USH2A: variants seen among roughly 807,000 people sequenced by gnomAD.
USH2A encodes Usher syndrome 2A (autosomal recessive, mild).
A neutral mutation model predicts 538.9 loss-of-function variants in USH2A; 443 were observed. The ratio of observed to expected loss-of-function variants is 0.82; its 90% confidence interval spans 0.76 to 0.89. The LOEUF (loss-of-function observed/expected upper bound fraction) is 0.89. Ranked by LOEUF, USH2A falls within the 40% of genes least tolerant of loss-of-function variation. The pLI, the probability that USH2A is intolerant of heterozygous loss-of-function variation, is 0.00. For missense variants in USH2A, 6,633 were observed against 6,324.8 expected (o/e 1.05, Z -1.65); for synonymous variants, 2,413 against 2,273.5 (o/e 1.06, Z -1.75).
intron 61 of USH2A, among the ~76,000 whole-genome samples, chr1:215,710,581 G>C (rs1253907694): frequency 6.6e-6 from 1 of 152,068 alleles, no homozygotes; most frequent in Non-Finnish European, 1.5e-5. Context: ...AAAGGAAAGG[G>C]TCCTACGGCT....
intron 46 of USH2A, among the ~76,000 whole-genome samples, chr1:215,842,054 T>C (rs1663692179): frequency 6.6e-6 from 1 of 152,204 alleles, no homozygotes; most frequent in Non-Finnish European, 1.5e-5. Flanking sequence ...CTGGGTGCAG[T>C]GGCTCACACC....
Position 216,422,237 on chromosome 1 carries a change from G to C in USH2A, c.100C>G (p.Arg34Gly). ...YFASISLTES[R>G]GLFPRLENVG... ...TTCTCCAGCCTTGGGAAAAGACCTCGTGACTCAGTCAAGGATATTGAAGCA... is the reference window on the plus strand; with the variant it reads ...TTCTCCAGCCTTGGGAAAAGACCTCCTGACTCAGTCAAGGATATTGAAGCA... Residue 34 changes from arginine (R) to glycine (G), a missense_variant, in exon 2 of 72, where the codon CGA becomes GGA. Physicochemically the swap from Arg to Gly is moderately radical, Grantham distance 125. Transcript: ENST00000307340. 6.2e-7 allele frequency: 1 copy of C among 1,613,080 alleles called. No individual in the cohort carries two copies. Among genetic ancestry groups the C allele is most frequent in the Non-Finnish European group, 8.5e-7 (1 of 1,179,446 alleles).
chr1:215,639,703 C>A (rs1656613521), intron 68 of USH2A, among the ~76,000 whole-genome samples: 1 of 152,210 alleles, frequency 6.6e-6, no homozygotes. Flanking sequence ...CAAGGTCACA[C>A]AGATGGTTAT....
At chr1:216,413,263 G>C (rs1383399477) in intron 3 of USH2A, among the ~76,000 whole-genome samples, 2 of 151,952 alleles carry the variant, frequency 1.3e-5, no homozygotes, top group Admixed American at 6.6e-5. Flanking sequence ...TATGGGTTGA[G>C]ATTCTCTTAG....
At chr1:215,782,299 C>T (rs1426316905) in intron 53 of USH2A, 103 bp from the exon 54 acceptor site, 5 of 1,256,650 alleles carry the variant, frequency 4.0e-6, no homozygotes, top group African/African-American at 3.0e-5. Context: ...AATACTATAG[C>T]TTTATTTAAT....
intron 3 of USH2A, among the ~76,000 whole-genome samples, chr1:216,403,878 G>C (rs549112332): frequency 6.6e-6 from 1 of 152,154 alleles, no homozygotes; most frequent in Non-Finnish European, 1.5e-5. Flanking sequence ...TAGTGAGTGA[G>C]TTCTCACGAG....
intron 38 of USH2A, among the ~76,000 whole-genome samples, chr1:215,933,989 G>A (rs1199654908): frequency 6.6e-6 from 1 of 151,904 alleles, no homozygotes; most frequent in Admixed American, 6.6e-5. Context: ...CAAAATAATG[G>A]TAATTGTGAA....
intron 19 of USH2A, among the ~76,000 whole-genome samples, chr1:216,195,404 A>T (rs1248712743): frequency 6.6e-6 from 1 of 152,174 alleles, no homozygotes. Context: ...TTTAGTTTAC[A>T]GATAGGATGT....
In USH2A at chr1:215,790,282, C is replaced by A; in HGVS notation, c.9959G>T (p.Gly3320Val). ...ATAATCCTGCCCACAACAGAACATA[C>A]CTGCAACAATAAAATGTTATATATG... Reference protein sequence around the residue: ...EEGVVYNRLPGMFCCGQDYVN... With the variant: ...EEGVVYNRLPVMFCCGQDYVN... The change falls in exon 51 of 72, where the codon GGT becomes GTT. Residue 3320 changes from glycine to valine, a missense_variant and splice_region_variant. Gly to Val is a moderately radical substitution (Grantham distance 109). Transcript: ENST00000307340. 6.2e-7 allele frequency: 1 copy of A among 1,613,592 alleles called. No individual in the cohort carries two copies. The highest frequency in any genetic ancestry group is 8.5e-7 in the Non-Finnish European group (1 of 1,179,888).
intron 61 of USH2A, among the ~76,000 whole-genome samples, chr1:215,718,012 T>G (rs72740615): frequency 0.067 from 10,209 of 152,248 alleles, 396 homozygotes; most frequent in South Asian, 0.094. Context: ...ATATTTAATT[T>G]ATACAAATTT....
chr1:215,676,106 T>TTG lies in USH2A; in HGVS notation c.12295-492_12295-491dup, dbSNP rs563148237. Among the ~76,000 whole-genome samples the TTG allele has an allele frequency of 6.6e-5, 10 of 151,728 alleles. No individual in the cohort carries two copies. The South Asian group carries it at 8.3e-4, about 13-fold the overall frequency. On this transcript the variant is annotated intron_variant, in intron 62 of 71. Coordinates refer to ENST00000307340, the MANE Select transcript of USH2A (RefSeq NM_206933.4). ...GAGTGCCAGGGCTGAAAGAGTATGC[T>TTG]TGTGTGTGTGTGTGTTTAGGCACAC...
chr1:215,912,345 G>A lies in USH2A; in HGVS notation c.7301-11440C>T, dbSNP rs115108365. On this transcript the variant is annotated intron_variant, in intron 38 of 71. Coordinates refer to ENST00000307340, the MANE Select transcript of USH2A (RefSeq NM_206933.4). ...TGATAGTTTGAAGTCTTCGACTTAA[G>A]TTTTCAACCAATTTTGATTTTATTT... 9.0e-3 allele frequency among the ~76,000 whole-genome samples: 1,365 copies of A among 151,682 alleles called. 16 individuals are homozygous for A. The highest frequency in any genetic ancestry group is 0.031 in the African/African-American group (1,295 of 41,368).
At chr1:215,853,146 T>C (rs1251476787) in intron 44 of USH2A, among the ~76,000 whole-genome samples, 1 of 152,216 alleles carries the variant, frequency 6.6e-6, no homozygotes, top group African/African-American at 2.4e-5. Flanking sequence ...GGTGTTTCCA[T>C]ACATACTTTA....
intron 62 of USH2A, among the ~76,000 whole-genome samples, chr1:215,677,678 T>TTCTAGCCTAGTTCCC (rs1453489332): frequency 6.6e-6 from 1 of 152,228 alleles, no homozygotes; most frequent in Non-Finnish European, 1.5e-5. Flanking sequence ...GCACTTTTCC[T>TTCTAGCCTAGTTCCC]TCTAGCCTAG....
At chr1:215,630,480 G>GTGTGTA (rs1553248441) in intron 70 of USH2A, among the ~76,000 whole-genome samples, 2 of 105,940 alleles carry the variant, frequency 1.9e-5, no homozygotes, top group African/African-American at 9.0e-5. Flanking sequence ...GTATGTGTGT[G>GTGTGTA]TGTATATATA....
chr1:216,085,034 G>A, intron 24 of USH2A, 157 bp from the exon 25 acceptor site: 1 of 685,132 alleles, frequency 1.5e-6, no homozygotes, highest in Admixed American at 2.5e-5. Flanking sequence ...CACACCATCA[G>A]CTATAGTAAA....
chr1:216,307,038 G>A (rs1278184882), intron 9 of USH2A, among the ~76,000 whole-genome samples: 1 of 151,782 alleles, frequency 6.6e-6, no homozygotes. Context: ...GCTTTCAAGA[G>A]AGCATCAACG....
chr1:216,323,889 G>GA (rs1395400375), intron 7 of USH2A, among the ~76,000 whole-genome samples, 194 bp from the exon 8 acceptor site: 2 of 152,028 alleles, frequency 1.3e-5, no homozygotes, highest in Non-Finnish European at 2.9e-5. Flanking sequence ...ACAGTTCCTT[G>GA]AAAACATAAT....
At chr1:216,267,344 C>T (rs1028586270) in intron 11 of USH2A, among the ~76,000 whole-genome samples, 1 of 152,002 alleles carries the variant, frequency 6.6e-6, no homozygotes, top group African/African-American at 2.4e-5. Context: ...GAAGGCCTGA[C>T]AGATATATTT....
Sources: gnomAD v4.1 joint callset for allele counts (sites outside exome capture counted in the v4.1 genomes callset) on GRCh38, gnomAD v4.1.1 for gene constraint, MANE v1.5 for transcripts, NCBI Gene and HGNC (gene_info 2026-07-23, HGNC 2026-07-21) for gene names.